LAMA2: variants seen among roughly 807,000 people sequenced by gnomAD.
The protein encoded by LAMA2 is laminin subunit alpha-2.
Under a neutral mutation model 364.8 loss-of-function variants are expected in LAMA2, and 269 were observed. The ratio of observed to expected loss-of-function variants is 0.74; its 90% CI spans 0.67 to 0.82. The LOEUF is 0.82. Among genes scored for constraint, LAMA2 ranks in the 40% least tolerant of loss-of-function variants. The pLI is 0.00. For synonymous variants in LAMA2, 1,379 were observed against 1,370.6 expected (o/e 1.01, Z -0.14); for missense variants, 3,807 against 3,873.2 (o/e 0.98, Z 0.45).
chr6:129,228,751 A>G (rs923992550), intron 12 of LAMA2, among the ~76,000 whole-genome samples: 1 of 152,224 alleles, frequency 6.6e-6, no homozygotes, highest in Non-Finnish European at 1.5e-5. Flanking sequence ...AGAAAAATGT[A>G]TGAAATAGAT....
intron 7 of LAMA2, 90 bp downstream of exon 7, chr6:129,149,186 C>A: frequency 1.2e-6 from 1 of 813,940 alleles, no homozygotes; most frequent in Non-Finnish European, 2.2e-6. Context: ...GCTGGTTATG[C>A]AAATGTGTCA....
chr6:129,330,073 C>A (rs1022418607), intron 29 of LAMA2, among the ~76,000 whole-genome samples: 1 of 151,516 alleles, frequency 6.6e-6, no homozygotes, highest in Non-Finnish European at 1.5e-5. Flanking sequence ...TCTCCCATCA[C>A]CCCAAGATGG....
chr6:128,931,984 G>C (rs1358727210), intron 1 of LAMA2, among the ~76,000 whole-genome samples: 1 of 152,026 alleles, frequency 6.6e-6, no homozygotes, highest in Middle Eastern at 3.2e-3. Context: ...CTTCTTTGCT[G>C]TATATGTATC....
Position 129,391,614 on chromosome 6 carries a change from A to C in LAMA2, c.5195A>C (p.Asn1732Thr). The C allele has an allele frequency of 6.2e-7, 1 of 1,613,978 alleles. No homozygotes were observed. Among genetic ancestry groups the C allele is most frequent in the Non-Finnish European group, 8.5e-7 (1 of 1,179,868 alleles). ...ATGATTAAAGAACTGAGGAGGAAAA[A>C]TCTAGAGACACAAAAGGAAATTGCT... Reference protein sequence around the residue: ...DQMIKELRRKNLETQKEIAED... With the variant: ...DQMIKELRRKTLETQKEIAED... The change falls in exon 36 of 65, where the codon AAT (asparagine) becomes ACT (threonine). Residue 1732 changes from asparagine (N) to threonine (T), a missense_variant. Asn to Thr is a moderately conservative substitution (Grantham distance 65). Coordinates refer to ENST00000421865, the MANE Select transcript of LAMA2 (RefSeq NM_000426.4).
At chr6:129,503,357 T>A (rs1785800865) in intron 60 of LAMA2, 77 bp downstream of exon 60, 1 of 1,394,664 alleles carries the variant, frequency 7.2e-7, no homozygotes, top group African/African-American at 1.4e-5. Flanking sequence ...CTGGTGCCAG[T>A]ATATTTTGCC....
chr6:129,395,400 A>G (rs1779558071), intron 37 of LAMA2, among the ~76,000 whole-genome samples: 1 of 152,168 alleles, frequency 6.6e-6, no homozygotes. Flanking sequence ...CTAGACACCA[A>G]AATTGATTGT....
intron 20 of LAMA2, among the ~76,000 whole-genome samples, chr6:129,297,188 A>G (rs976060954): frequency 6.6e-6 from 1 of 152,212 alleles, no homozygotes; most frequent in Non-Finnish European, 1.5e-5. Flanking sequence ...AAAAGTATTT[A>G]TGGATATGTG....
intron 4 of LAMA2, among the ~76,000 whole-genome samples, chr6:129,100,220 T>C (rs1775443776): frequency 6.6e-6 from 1 of 152,210 alleles, no homozygotes; most frequent in Non-Finnish European, 1.5e-5. Flanking sequence ...GACATGTTTA[T>C]TAGTTAATTA....
chr6:128,913,272 T>C (rs1361360424), intron 1 of LAMA2, among the ~76,000 whole-genome samples: 1 of 152,134 alleles, frequency 6.6e-6, no homozygotes, highest in Non-Finnish European at 1.5e-5. Flanking sequence ...TCAACTTCCA[T>C]ATTTTTAGTA....
At chr6:129,323,820 G>T (rs1005457894) in intron 28 of LAMA2, among the ~76,000 whole-genome samples, 2 of 152,112 alleles carry the variant, frequency 1.3e-5, no homozygotes, top group Non-Finnish European at 2.9e-5. Flanking sequence ...TGATCTCTAG[G>T]TCATGTTTTG....
intron 12 of LAMA2, among the ~76,000 whole-genome samples, chr6:129,207,620 T>C (rs1389718605): frequency 6.6e-6 from 1 of 152,184 alleles, no homozygotes; most frequent in African/African-American, 2.4e-5. Context: ...TTGAAAATTC[T>C]TTAAGTAGTT....
chr6:129,467,964 A>G (rs1056152828), intron 51 of LAMA2, among the ~76,000 whole-genome samples: 1 of 151,880 alleles, frequency 6.6e-6, no homozygotes, highest in Non-Finnish European at 1.5e-5. Flanking sequence ...ATTTTCCTTT[A>G]TCCCAGCCTA....
intron 4 of LAMA2, among the ~76,000 whole-genome samples, chr6:129,128,154 C>A (rs765317921): frequency 1.4e-4 from 21 of 152,156 alleles, no homozygotes; most frequent in Non-Finnish European, 2.8e-4. Context: ...GGCTTTAATT[C>A]ATTTCGAATT....
intron 1 of LAMA2, among the ~76,000 whole-genome samples, chr6:128,982,765 C>T: frequency 8.5e-6 from 1 of 118,080 alleles, no homozygotes; most frequent in African/African-American, 3.2e-5. Context: ...CCTCCCCCCA[C>T]CCCACCCCAC....
chr6:129,266,481 C>G (rs541067324), intron 15 of LAMA2, among the ~76,000 whole-genome samples: 1 of 152,154 alleles, frequency 6.6e-6, no homozygotes, highest in South Asian at 2.1e-4. Flanking sequence ...AAATCATAAA[C>G]TTTTTGTGTA....
rs1048569823 is a variant in LAMA2, at chr6:129,509,565, C to T, written c.8857+1923C>T. On this transcript the variant is annotated intron_variant, in intron 62 of 64. Transcript: ENST00000421865. ...AGATAGGGATCTAGTTTCATTCTTC[C>T]GCATATGAATATCCAGTTTTCCCTG... Among the ~76,000 whole-genome samples, 15 of 152,088 alleles carry T rather than the reference C, an allele frequency of 9.9e-5. No homozygotes were observed. The South Asian group carries it at 1.0e-3, about 11-fold the overall frequency.
At chr6:129,160,447 AT>A (rs1779381891) in intron 8 of LAMA2, among the ~76,000 whole-genome samples, 1 of 151,994 alleles carries the variant, frequency 6.6e-6, no homozygotes, top group South Asian at 2.1e-4. Flanking sequence ...CCCCTGTGTA[AT>A]TTTTAAAATG....
At chr6:128,889,093 T>C (rs942939337) in intron 1 of LAMA2, among the ~76,000 whole-genome samples, 2 of 152,128 alleles carry the variant, frequency 1.3e-5, no homozygotes, top group African/African-American at 4.8e-5. Flanking sequence ...TCAGAAACAA[T>C]TTGTGTGCAG....
chr6:129,149,142 A>G (rs777225063), intron 7 of LAMA2, 46 bp downstream of exon 7: 40 of 1,204,096 alleles, frequency 3.3e-5, no homozygotes, highest in Non-Finnish European at 5.0e-5. Flanking sequence ...TTCCTTTCCA[A>G]GAAAAAAAGC....
Sources: allele counts gnomAD v4.1 joint callset (sites outside exome capture counted in the v4.1 genomes callset), GRCh38; gene constraint gnomAD v4.1.1; transcripts MANE v1.5; gene names NCBI Gene and HGNC (gene_info 2026-07-23, HGNC 2026-07-21).